Variants in CACNA1C observed in about 807,000 individuals in gnomAD.
The protein encoded by CACNA1C is voltage-dependent L-type calcium channel subunit alpha-1C.
Under a neutral mutation model 229.0 loss-of-function variants are expected in CACNA1C, and 30 were observed. The ratio of observed to expected loss-of-function variants is 0.13; its 90% CI spans 0.10 to 0.18. The LOEUF is 0.18. CACNA1C is among the 10% of genes least tolerant of loss of function. The pLI is 1.00. For synonymous variants in CACNA1C, 1,114 were observed against 1,132.5 expected, an observed-to-expected ratio of 0.98 and a Z score of 0.33; for missense variants, 1,658 against 2,845.0, an observed-to-expected ratio of 0.58 and a Z score of 9.49.
At chr12:2,137,887 AGGC>A in intron 3 of CACNA1C, among the ~76,000 whole-genome samples, 1 of 151,364 alleles carries the variant, frequency 6.6e-6, no homozygotes, top group African/African-American at 2.4e-5. Context: ...CGGGAGCGCC[AGGC>A]CAGTGGACCC....
At chr12:2,537,358 A>C (rs1330694600) in intron 9 of CACNA1C, among the ~76,000 whole-genome samples, 1 of 152,246 alleles carries the variant, frequency 6.6e-6, no homozygotes, top group African/African-American at 2.4e-5. Flanking sequence ...CATCCAAAAA[A>C]TGGGGACATC....
chr12:2,137,747 A>G (rs117710293), intron 3 of CACNA1C, among the ~76,000 whole-genome samples: 6 of 151,208 alleles, frequency 4.0e-5, no homozygotes, highest in South Asian at 4.2e-4. Context: ...CCTCCTCTCA[A>G]GATAACTTAG....
intron 1 of CACNA1C, chr12:2,004,059 G>T: frequency 1.6e-6 from 1 of 636,306 alleles, no homozygotes; most frequent in South Asian, 1.9e-5. Context: ...GTACGTTAGA[G>T]ATTTAAGTCT....
chr12:2,528,545 A>G (rs568591994), intron 9 of CACNA1C, among the ~76,000 whole-genome samples: 280 of 152,260 alleles, frequency 1.8e-3, no homozygotes, highest in Non-Finnish European at 2.6e-3. Flanking sequence ...CAGCCCCACC[A>G]TCTGCCTTCC....
At chr12:2,286,927 C>G (rs182209768) in intron 3 of CACNA1C, among the ~76,000 whole-genome samples, 2 of 152,238 alleles carry the variant, frequency 1.3e-5, no homozygotes, top group Non-Finnish European at 2.9e-5. Context: ...CACATTGGAA[C>G]GCCAGAGGAA....
intron 1 of CACNA1C, among the ~76,000 whole-genome samples, chr12:1,981,676 G>A (rs929925032): frequency 2.0e-5 from 3 of 152,158 alleles, no homozygotes; most frequent in Admixed American, 1.3e-4. Context: ...AGTTTCAACA[G>A]ACAAGTGCTC....
At chr12:2,001,451 T>TA (rs1464426760) in intron 1 of CACNA1C, among the ~76,000 whole-genome samples, 1 of 152,192 alleles carries the variant, frequency 6.6e-6, no homozygotes, top group Non-Finnish European at 1.5e-5. Context: ...TTCAAAATAC[T>TA]AAAAAACCCA....
chr12:2,162,996 C>T (rs971605750), intron 3 of CACNA1C, among the ~76,000 whole-genome samples: 10 of 151,988 alleles, frequency 6.6e-5, no homozygotes, highest in African/African-American at 1.5e-4. Context: ...GACTGGAGTT[C>T]GAGACCAGCC....
intron 1 of CACNA1C, among the ~76,000 whole-genome samples, chr12:2,028,566 A>C (rs967003926): frequency 1.3e-5 from 2 of 152,148 alleles, no homozygotes; most frequent in Non-Finnish European, 2.9e-5. Context: ...TCCTATCAGC[A>C]CCAACGTTAG....
chr12:2,026,604 A>G (rs2047371600), intron 1 of CACNA1C, among the ~76,000 whole-genome samples: 2 of 152,242 alleles, frequency 1.3e-5, no homozygotes. Flanking sequence ...ATGCTGGAAG[A>G]CTTCACTCTG....
intron 3 of CACNA1C, among the ~76,000 whole-genome samples, chr12:2,335,432 A>T (rs2096662165): frequency 7.2e-6 from 1 of 139,540 alleles, no homozygotes; most frequent in African/African-American, 3.2e-5. Flanking sequence ...TGTAGAGCAT[A>T]TTAGTTAAAA....
At chr12:2,529,585 G>C (rs1352458282) in intron 9 of CACNA1C, among the ~76,000 whole-genome samples, 1 of 152,208 alleles carries the variant, frequency 6.6e-6, no homozygotes, top group African/African-American at 2.4e-5. Flanking sequence ...ACTTAGGCCT[G>C]CTTTGTCACT....
intron 3 of CACNA1C, among the ~76,000 whole-genome samples, chr12:2,322,247 A>G (rs757470876): frequency 2.0e-5 from 3 of 152,216 alleles, no homozygotes; most frequent in Non-Finnish European, 4.4e-5. Context: ...ATCGGGCTGA[A>G]TCACAGGGGC....
chr12:2,192,127 C>T (rs2097257835), intron 3 of CACNA1C, among the ~76,000 whole-genome samples: 1 of 152,186 alleles, frequency 6.6e-6, no homozygotes, highest in Non-Finnish European at 1.5e-5. Context: ...CTCCCTCCCT[C>T]TCACGGTTTT....
At chr12:2,444,224 G>A (rs912096376) in intron 3 of CACNA1C, among the ~76,000 whole-genome samples, 1 of 152,180 alleles carries the variant, frequency 6.6e-6, no homozygotes, top group East Asian at 1.9e-4. Context: ...TTGGCTTGAA[G>A]GTCAGAAAGT....
Position 2,348,080 on chromosome 12 carries a change from A to G in CACNA1C, c.478-100896A>G, listed in dbSNP as rs1218514705. Among the ~76,000 whole-genome samples the G allele has an allele frequency of 1.3e-5, 2 of 152,218 alleles. No individual in the cohort carries two copies. Among genetic ancestry groups the G allele is most frequent in the Non-Finnish European group, 2.9e-5 (2 of 68,026 alleles). On this transcript the variant is annotated intron_variant, in intron 3 of 46. Coordinates refer to ENST00000399655, the MANE Select transcript of CACNA1C (RefSeq NM_000719.7). The surrounding 1 kb of genome is among the most constrained non-coding windows in gnomAD (Gnocchi z 4.7). ...GAAGCTTGTCCTAGAAACTGCAGTGAGGTGACTGTGCGGCAGGCCCACTCT... is the reference window on the plus strand; with the variant it reads ...GAAGCTTGTCCTAGAAACTGCAGTGGGGTGACTGTGCGGCAGGCCCACTCT...
intron 11 of CACNA1C, among the ~76,000 whole-genome samples, chr12:2,558,414 C>T (rs2045687548): frequency 6.6e-6 from 1 of 152,228 alleles, no homozygotes; most frequent in Non-Finnish European, 1.5e-5. Context: ...TTGAAATCTC[C>T]ACCTCTGCTC....
At chr12:2,570,644 G>T (rs770717665) in intron 13 of CACNA1C, among the ~76,000 whole-genome samples, 1 of 152,156 alleles carries the variant, frequency 6.6e-6, no homozygotes, top group Admixed American at 6.5e-5. Flanking sequence ...GGCGTATGGC[G>T]TGAACTAAAT....
chr12:2,022,148 T>C (rs1446882136), intron 1 of CACNA1C, among the ~76,000 whole-genome samples: 1 of 152,166 alleles, frequency 6.6e-6, no homozygotes, highest in Non-Finnish European at 1.5e-5. Context: ...GGTGAACTGC[T>C]GTATTGACAG....
Sources: allele counts gnomAD v4.1 joint callset (sites outside exome capture counted in the v4.1 genomes callset), GRCh38; gene constraint gnomAD v4.1.1; non-coding constraint Gnocchi (gnomAD v3.1); transcripts MANE v1.5; gene names NCBI Gene and HGNC (gene_info 2026-07-23, HGNC 2026-07-21).